The following GDAP2 variants were observed in gnomAD, a reference collection of about 807,000 sequenced individuals.
GDAP2 encodes the protein ganglioside induced differentiation associated protein 2.
In GDAP2, 51 loss-of-function variants were observed where a neutral mutation model predicts 67.0. That is an observed-to-expected ratio of 0.76 (90% CI 0.61 to 0.96). The LOEUF is 0.96. GDAP2 is among the 40% of genes least tolerant of loss of function. The probability of loss-of-function intolerance (pLI) is 0.00; values close to 1 mark genes in which losing one functional copy is unlikely to be tolerated. For synonymous variants in GDAP2, 203 were observed against 207.3 expected, an observed-to-expected ratio of 0.98 and a Z score of 0.18; for missense variants, 547 against 588.3, an observed-to-expected ratio of 0.93 and a Z score of 0.73.
At chr1:117,908,224 G>C (rs1649726649) in intron 5 of GDAP2, among the ~76,000 whole-genome samples, 1 of 151,882 alleles carries the variant, frequency 6.6e-6, no homozygotes, top group South Asian at 2.1e-4. Context: ...ACATTTTATA[G>C]CTAGACTAAG....
chr1:117,916,853 G>A (rs1424157175), intron 3 of GDAP2, among the ~76,000 whole-genome samples: 1 of 152,058 alleles, frequency 6.6e-6, no homozygotes, highest in Non-Finnish European at 1.5e-5. Flanking sequence ...GGCCAGCATG[G>A]TGAAACCCCA....
chr1:117,886,428 A>G, intron 10 of GDAP2, 149 bp downstream of exon 10: 1 of 572,472 alleles, frequency 1.7e-6, no homozygotes, highest in Non-Finnish European at 3.1e-6. Context: ...CTGAAATGAT[A>G]CAGGTCCACT....
At chr1:117,902,342 T>C (rs1649507752) in intron 6 of GDAP2, among the ~76,000 whole-genome samples, 1 of 152,212 alleles carries the variant, frequency 6.6e-6, no homozygotes. Flanking sequence ...TTTGGCTTTT[T>C]GTGCTTTTGG....
chr1:117,907,889 C>A (rs1039314656), intron 5 of GDAP2, among the ~76,000 whole-genome samples: 8 of 152,140 alleles, frequency 5.3e-5, no homozygotes, highest in African/African-American at 1.9e-4. Context: ...GGTTAAGATT[C>A]AAAAACCCTA....
intron 13 of GDAP2, among the ~76,000 whole-genome samples, chr1:117,875,326 C>G (rs1648420236): frequency 6.6e-6 from 1 of 152,240 alleles, no homozygotes; most frequent in Non-Finnish European, 1.5e-5. Flanking sequence ...ACTGCTCAGG[C>G]AACAGCTCTG....
chr1:117,912,987 C>T (rs953788230), intron 3 of GDAP2, among the ~76,000 whole-genome samples: 25 of 152,098 alleles, frequency 1.6e-4, no homozygotes, highest in Admixed American at 9.8e-4. Flanking sequence ...GCAGACAAAC[C>T]TAATTGCTTG....
At chr1:117,912,310 A>T (rs1373924156) in intron 4 of GDAP2, among the ~76,000 whole-genome samples, 1 of 152,180 alleles carries the variant, frequency 6.6e-6, no homozygotes, top group Non-Finnish European at 1.5e-5. Context: ...AAAAAATGGG[A>T]AAAGGTTAAA....
intron 8 of GDAP2, among the ~76,000 whole-genome samples, chr1:117,893,590 A>G (rs370374610): frequency 1.3e-5 from 2 of 152,240 alleles, no homozygotes; most frequent in East Asian, 1.9e-4. Context: ...CATAATCAAC[A>G]GAAGCCAGAC....
chr1:117,904,649 C>G (rs916159864), intron 6 of GDAP2, among the ~76,000 whole-genome samples: 5 of 152,184 alleles, frequency 3.3e-5, no homozygotes, highest in African/African-American at 9.7e-5. Flanking sequence ...TAAGTTGCCA[C>G]GGCACTGTGG....
intron 1 of GDAP2, among the ~76,000 whole-genome samples, chr1:117,927,340 G>A (rs868259042): frequency 1.3e-5 from 2 of 151,840 alleles, no homozygotes; most frequent in African/African-American, 4.8e-5. Flanking sequence ...GGGCAAAATT[G>A]GGCATAATAC....
At chr1:117,872,782 CACATGTTTACCTGTGTA>C (rs1648335794) in intron 13 of GDAP2, among the ~76,000 whole-genome samples, 2 of 152,176 alleles carry the variant, frequency 1.3e-5, no homozygotes, top group Non-Finnish European at 2.9e-5. Context: ...ACCACCATGG[CACATGTTTACCTGTGTA>C]ACAAACCTGC....
Position 117,918,603 on chromosome 1 carries a change from G to A in GDAP2, c.310C>T (p.Leu104Phe), listed in dbSNP as rs151335160. 1.9e-4 allele frequency: 309 copies of A among 1,607,038 alleles called. No homozygotes were observed. The highest frequency in any genetic ancestry group is 2.4e-4 in the Non-Finnish European group (278 of 1,174,066). ...TGAAAGAAAATTCACTCACCTTTAA[G>A]TTTCTGGAGATCTTCCTTCAAATCA... ...GPDLKEDLQK[L>F]KGCRTGEAKL... Residue 104 changes from leucine (L) to phenylalanine (F), a missense_variant, in exon 3 of 14, where the codon CTT becomes TTT. Leu to Phe is a conservative substitution (Grantham distance 22, BLOSUM62 0). Transcript: ENST00000369443.
intron 3 of GDAP2, among the ~76,000 whole-genome samples, chr1:117,917,068 G>C (rs1238415111): frequency 6.6e-6 from 1 of 151,586 alleles, no homozygotes; most frequent in Non-Finnish European, 1.5e-5. Context: ...AAGAAAAATG[G>C]AATGGAAAAT....
At chr1:117,890,612 A>G (rs1649040849) in intron 8 of GDAP2, among the ~76,000 whole-genome samples, 2 of 152,100 alleles carry the variant, frequency 1.3e-5, no homozygotes, top group Non-Finnish European at 2.9e-5. Context: ...ATCTACCACT[A>G]TAACAAAAAT....
At chr1:117,923,223 C>T (rs936355318) in intron 1 of GDAP2, among the ~76,000 whole-genome samples, 1 of 152,114 alleles carries the variant, frequency 6.6e-6, no homozygotes, top group African/African-American at 2.4e-5. Context: ...GCAGTTAACG[C>T]AATCATCACA....
chr1:117,927,918 TTAAA>T (rs1473963548), intron 1 of GDAP2, among the ~76,000 whole-genome samples: 1 of 152,180 alleles, frequency 6.6e-6, no homozygotes, highest in Non-Finnish European at 1.5e-5. Context: ...ATTTTGAAAC[TTAAA>T]TAAGGAAGTA....
At chr1:117,887,345 T>C (rs1300375250) in intron 9 of GDAP2, among the ~76,000 whole-genome samples, 2 of 152,152 alleles carry the variant, frequency 1.3e-5, no homozygotes, top group Non-Finnish European at 2.9e-5. Context: ...GTAAAAGAAA[T>C]ACAATGCAGA....
chr1:117,890,482 G>A lies in GDAP2; in HGVS notation c.954-2708C>T, dbSNP rs141386720. Among the ~76,000 whole-genome samples the A allele has an allele frequency of 8.5e-5, 13 of 152,060 alleles. No individual in the cohort carries two copies. In the East Asian group the frequency reaches 2.5e-3, roughly 29 times the overall value. On this transcript the variant is annotated intron_variant, in intron 8 of 13. Transcript: ENST00000369443. ...AATTTTTTTTAACTGGAACTCAGGT[G>A]TACAAAATGGAATACATCATCTTTA...
intron 12 of GDAP2, among the ~76,000 whole-genome samples, chr1:117,879,754 C>T (rs1258847062): frequency 6.6e-6 from 1 of 152,096 alleles, no homozygotes. Flanking sequence ...AAACATTAGG[C>T]TTTATTGCCT....
Sources: gnomAD v4.1 joint callset for allele counts (sites outside exome capture counted in the v4.1 genomes callset) on GRCh38, gnomAD v4.1.1 for gene constraint, MANE v1.5 for transcripts, NCBI Gene and HGNC (gene_info 2026-07-23, HGNC 2026-07-21) for gene names.